HDAC9: variants seen among roughly 807,000 people sequenced by gnomAD.
HDAC9 encodes histone deacetylase 9, also known as MEF-2 interacting transcription repressor (MITR) protein.
Under a neutral mutation model 139.4 loss-of-function variants are expected in HDAC9, and 41 were observed. The ratio of observed to expected loss-of-function variants is 0.29; its 90% confidence interval spans 0.23 to 0.38. The LOEUF is 0.38. Among genes scored for constraint, HDAC9 ranks in the 10% least tolerant of loss-of-function variants. HDAC9 has a pLI of 1.00. For missense variants in HDAC9, 1,147 were observed against 1,297.0 expected (o/e 0.88, Z 1.78); for synonymous variants, 517 against 476.2 (o/e 1.09, Z -1.12).
intron 2 of HDAC9, among the ~76,000 whole-genome samples, chr7:18,272,471 G>T (rs1432696022): frequency 6.6e-6 from 1 of 151,940 alleles, no homozygotes; most frequent in Non-Finnish European, 1.5e-5. Flanking sequence ...TATGAATAAG[G>T]ACCACTAAAT....
At chr7:18,972,915 C>CAAAG (rs1297875405) in intron 24 of HDAC9, among the ~76,000 whole-genome samples, 1 of 152,154 alleles carries the variant, frequency 6.6e-6, no homozygotes, top group African/African-American at 2.4e-5. Context: ...GTATCATTTC[C>CAAAG]AAAGATTATT....
intron 11 of HDAC9, among the ~76,000 whole-genome samples, chr7:18,658,747 T>G (rs1792092739): frequency 6.6e-6 from 1 of 152,112 alleles, no homozygotes; most frequent in Non-Finnish European, 1.5e-5. Flanking sequence ...CTCTGCATGT[T>G]GTTTTTTGAG....
At chr7:18,636,251 G>A (rs1396676534) in intron 8 of HDAC9, among the ~76,000 whole-genome samples, 1 of 152,034 alleles carries the variant, frequency 6.6e-6, no homozygotes, top group African/African-American at 2.4e-5. Flanking sequence ...ATGTTACATT[G>A]ATTAGTTGAC....
intron 1 of HDAC9, among the ~76,000 whole-genome samples, chr7:18,103,651 T>C (rs1486425882): frequency 6.6e-6 from 1 of 152,174 alleles, no homozygotes; most frequent in Non-Finnish European, 1.5e-5. Context: ...TCCTCACTTA[T>C]CGTTATGGAT....
intron 2 of HDAC9, among the ~76,000 whole-genome samples, chr7:18,551,883 T>C (rs930779835): frequency 3.9e-5 from 6 of 152,212 alleles, no homozygotes; most frequent in African/African-American, 1.4e-4. Flanking sequence ...ACACTTATTC[T>C]AGGAGGCTGG....
intron 14 of HDAC9, among the ~76,000 whole-genome samples, chr7:18,753,268 T>C (rs1788603088): frequency 6.6e-6 from 1 of 152,108 alleles, no homozygotes; most frequent in East Asian, 1.9e-4. Context: ...CTCTTATTGA[T>C]TGTGCTTGAG....
intron 14 of HDAC9, among the ~76,000 whole-genome samples, chr7:18,752,987 T>G (rs1788576580): frequency 6.6e-6 from 1 of 150,936 alleles, no homozygotes; most frequent in African/African-American, 2.5e-5. Context: ...TGTGTCTGGG[T>G]GATTCTGGTA....
intron 2 of HDAC9, among the ~76,000 whole-genome samples, chr7:18,192,155 T>C (rs1790394892): frequency 6.6e-6 from 1 of 152,164 alleles, no homozygotes; most frequent in Admixed American, 6.5e-5. Flanking sequence ...GGTGGTGGTT[T>C]AGGAAAATCT....
chr7:18,726,918 G>T (rs1472293063), intron 12 of HDAC9, among the ~76,000 whole-genome samples: 1 of 152,068 alleles, frequency 6.6e-6, no homozygotes, highest in African/African-American at 2.4e-5. Flanking sequence ...GATTCGGTAA[G>T]TTGGGAAGGA....
intron 2 of HDAC9, among the ~76,000 whole-genome samples, chr7:18,209,792 C>T (rs1405843511): frequency 1.3e-5 from 2 of 152,016 alleles, no homozygotes; most frequent in African/African-American, 2.4e-5. Context: ...GCTCCGCCTC[C>T]CAGTTTCACG....
chr7:18,912,100 A>G (rs1802791559), intron 22 of HDAC9, among the ~76,000 whole-genome samples: 1 of 151,910 alleles, frequency 6.6e-6, no homozygotes, highest in African/African-American at 2.4e-5. Context: ...GTCCCTAACT[A>G]TTTTCATATT....
intron 1 of HDAC9, among the ~76,000 whole-genome samples, chr7:18,327,186 G>A (rs771777035): frequency 6.6e-6 from 1 of 151,654 alleles, no homozygotes. Context: ...TTTAATTAGT[G>A]CATGGAAGGC....
At chr7:18,587,885 G>A (rs889322050) in intron 3 of HDAC9, among the ~76,000 whole-genome samples, 1 of 152,210 alleles carries the variant, frequency 6.6e-6, no homozygotes, top group Non-Finnish European at 1.5e-5. Context: ...AGATTCCTAT[G>A]AAAGATTAAA....
chr7:18,161,395 A>G (rs770763548), intron 1 of HDAC9, among the ~76,000 whole-genome samples: 1 of 152,238 alleles, frequency 6.6e-6, no homozygotes, highest in Non-Finnish European at 1.5e-5. Flanking sequence ...ATAAAGGAGT[A>G]TATAATTCTC....
At chr7:18,190,607 A>C (rs1790278639) in intron 2 of HDAC9, among the ~76,000 whole-genome samples, 1 of 152,202 alleles carries the variant, frequency 6.6e-6, no homozygotes, top group Non-Finnish European at 1.5e-5. Context: ...GAAAATAATG[A>C]CCAGAAAATA....
intron 1 of HDAC9, among the ~76,000 whole-genome samples, chr7:18,106,929 G>A (rs1242280291): frequency 6.6e-6 from 1 of 152,208 alleles, no homozygotes; most frequent in East Asian, 1.9e-4. Context: ...GCAGGCAGGA[G>A]TACCCTACAA....
At chr7:18,591,689 G>T in intron 5 of HDAC9, 47 bp downstream of exon 5, 1 of 1,601,902 alleles carries the variant, frequency 6.2e-7, no homozygotes, top group Non-Finnish European at 8.5e-7. Context: ...AAAGAACACA[G>T]GTTCTGTATT....
chr7:18,940,011 C>A (rs1282378523), intron 23 of HDAC9, among the ~76,000 whole-genome samples: 3 of 152,126 alleles, frequency 2.0e-5, no homozygotes, highest in Non-Finnish European at 4.4e-5. Flanking sequence ...AACATTTTGC[C>A]AGTTTTTTGA....
chr7:18,220,223 GA>G (rs1792600921), intron 2 of HDAC9, among the ~76,000 whole-genome samples: 1 of 152,186 alleles, frequency 6.6e-6, no homozygotes, highest in Non-Finnish European at 1.5e-5. Flanking sequence ...GAGTGTATGT[GA>G]TGGGAGGGAG....
Sources: allele counts gnomAD v4.1 joint callset (sites outside exome capture counted in the v4.1 genomes callset), GRCh38; gene constraint gnomAD v4.1.1; transcripts MANE v1.5; gene names NCBI Gene and HGNC (gene_info 2026-07-23, HGNC 2026-07-21).